Variants in BAIAP2 observed in about 807,000 individuals in gnomAD.
BAIAP2 encodes the protein BAR/IMD domain containing adaptor protein 2, also known as BAR/IMD domain-containing adapter protein 2.
Under a neutral mutation model 63.0 loss-of-function variants are expected in BAIAP2, and 18 were observed. The ratio of observed to expected loss-of-function variants is 0.29; its 90% CI spans 0.20 to 0.42. The LOEUF (loss-of-function observed/expected upper bound fraction) is 0.42, where lower values mean the gene tolerates loss of function less well. Ranked by LOEUF, BAIAP2 falls within the 10% of genes least tolerant of loss-of-function variation. The pLI, the probability that BAIAP2 is intolerant of heterozygous loss-of-function variation, is 1.00. For missense variants in BAIAP2, 610 were observed against 734.3 expected (o/e 0.83, Z 1.96); for synonymous variants, 386 against 307.6 (o/e 1.25, Z -2.67).
Position 81,116,404 on chromosome 17 carries a change from C to G in BAIAP2, c.*565C>G, listed in dbSNP as rs371562717. On this transcript the variant is annotated 3_prime_UTR_variant, in exon 14 of 14. Coordinates refer to ENST00000428708, the MANE Select transcript of BAIAP2 (RefSeq NM_001144888.2). Reference sequence around the variant, plus strand: ...GCCCCTCGGTGGGGCTCTCCTGGGCCCCTCACTCCCACTGGCAATGTCACA... The same window carrying G: ...GCCCCTCGGTGGGGCTCTCCTGGGCGCCTCACTCCCACTGGCAATGTCACA... The G allele has an allele frequency of 3.4e-6, 5 of 1,471,120 alleles. No homozygotes were observed. The highest frequency in any genetic ancestry group is 4.6e-6 in the Non-Finnish European group (5 of 1,082,338). 91.1% of individuals were successfully genotyped at this position (1,471,120 alleles called of 1,614,324 possible).
intron 3 of BAIAP2, among the ~76,000 whole-genome samples, chr17:81,075,473 T>TGGGCTCCCTTCCG (rs2053505565): frequency 6.6e-6 from 1 of 150,890 alleles, no homozygotes; most frequent in African/African-American, 2.5e-5. Context: ...GCTCCCTTCC[T>TGGGCTCCCTTCCG]GTGGGCCGCT....
chr17:81,099,637 C>A (rs975302081), intron 6 of BAIAP2, among the ~76,000 whole-genome samples: 1 of 152,126 alleles, frequency 6.6e-6, no homozygotes, highest in African/African-American at 2.4e-5. Flanking sequence ...GAGGCTGGCC[C>A]CCTGCCAGAG....
intron 1 of BAIAP2, 34 bp downstream of exon 1, chr17:81,035,342 C>T (rs764183681): frequency 3.0e-5 from 39 of 1,282,552 alleles, no homozygotes; most frequent in Admixed American, 1.1e-4. Flanking sequence ...TGAGCCCGCT[C>T]CGTGTGCGCC....
chr17:81,088,210 G>C (rs933957858), intron 6 of BAIAP2, among the ~76,000 whole-genome samples: 1 of 152,064 alleles, frequency 6.6e-6, no homozygotes, highest in African/African-American at 2.4e-5. Flanking sequence ...CCTGAGCACC[G>C]AGGCCAGGTG....
chr17:81,055,500 C>T (rs962126439), intron 2 of BAIAP2, among the ~76,000 whole-genome samples: 3 of 151,842 alleles, frequency 2.0e-5, no homozygotes, highest in Admixed American at 6.6e-5. Context: ...CCCGGGGTTG[C>T]ACCCGAGGGA....
intron 12 of BAIAP2, 114 bp from the exon 13 acceptor site, chr17:81,108,361 A>G: frequency 8.3e-7 from 1 of 1,204,918 alleles, no homozygotes; most frequent in Non-Finnish European, 1.2e-6. Flanking sequence ...CCAAAGGAAC[A>G]CGGTTTGAAC....
chr17:81,110,916 C>A, intron 13 of BAIAP2: 6 of 1,613,902 alleles, frequency 3.7e-6, no homozygotes, highest in Non-Finnish European at 5.1e-6. Flanking sequence ...CCTTGCAGCG[C>A]CGATGTGGAA....
chr17:81,088,275 G>A (rs892950452), intron 6 of BAIAP2, among the ~76,000 whole-genome samples: 3 of 151,986 alleles, frequency 2.0e-5, no homozygotes, highest in Non-Finnish European at 4.4e-5. Flanking sequence ...TTGGTGTTCT[G>A]GGGATGGGGA....
intron 3 of BAIAP2, among the ~76,000 whole-genome samples, chr17:81,065,004 G>A (rs931842817): frequency 3.9e-5 from 6 of 152,314 alleles, no homozygotes; most frequent in Admixed American, 6.5e-5. Flanking sequence ...CCCCGCCATG[G>A]TGTTTCTCCC....
chr17:81,073,863 C>T (rs990828772), intron 3 of BAIAP2, among the ~76,000 whole-genome samples: 2 of 152,218 alleles, frequency 1.3e-5, no homozygotes, highest in African/African-American at 4.8e-5. Context: ...GGGTGAGAGT[C>T]CTCTGGGAGC....
intron 1 of BAIAP2, among the ~76,000 whole-genome samples, chr17:81,043,774 G>A (rs2047414075): frequency 6.6e-6 from 1 of 152,216 alleles, no homozygotes; most frequent in African/African-American, 2.4e-5. Context: ...GTAAGCTGGA[G>A]TGGCTGAGCT....
intron 6 of BAIAP2, among the ~76,000 whole-genome samples, chr17:81,088,860 GGC>G (rs1321219681): frequency 6.6e-6 from 1 of 152,224 alleles, no homozygotes; most frequent in East Asian, 1.9e-4. Flanking sequence ...GGTAGCATAG[GGC>G]CGGACAAAGG....
At chr17:81,110,414 T>C in intron 13 of BAIAP2, 8 of 990,654 alleles carry the variant, frequency 8.1e-6, no homozygotes, top group Non-Finnish European at 9.6e-6. Context: ...TGTAAAGTGC[T>C]GAACATATTT....
In BAIAP2 at chr17:81,046,679, G is replaced by A. The variant is rs916912117; in HGVS notation, c.55-6989G>A. ...GCCCCCGGACAGCAAGCTCTGAGGTGTCCTCCCGCGAGGACACTGTCCACT... is the reference window on the plus strand; with the variant it reads ...GCCCCCGGACAGCAAGCTCTGAGGTATCCTCCCGCGAGGACACTGTCCACT... On this transcript the variant is annotated intron_variant, in intron 1 of 13. Coordinates refer to ENST00000428708, the MANE Select transcript of BAIAP2 (RefSeq NM_001144888.2). The surrounding 1 kb of genome is among the most constrained non-coding windows in gnomAD (Gnocchi z 4.5). Among the ~76,000 whole-genome samples the A allele has an allele frequency of 6.6e-6, 1 of 152,170 alleles. No homozygotes were observed. The highest frequency in any genetic ancestry group is 2.4e-5 in the African/African-American group (1 of 41,430).
rs769497395 is a variant in BAIAP2, at chr17:81,110,985, G to C, written c.1535+2476G>C. On this transcript the variant is annotated intron_variant, in intron 13 of 13. Coordinates refer to ENST00000428708, the MANE Select transcript of BAIAP2 (RefSeq NM_001144888.2). ...GTAAGTTGCCTGGCGTTCTCGTGCAGTCACTGGCCTCTCCAGTGGTTCTCC... is the reference window on the plus strand; with the variant it reads ...GTAAGTTGCCTGGCGTTCTCGTGCACTCACTGGCCTCTCCAGTGGTTCTCC... 6 of 1,613,504 alleles carry C rather than the reference G, an allele frequency of 3.7e-6. No homozygotes were observed. The South Asian group carries it at 5.5e-5, about 15-fold the overall frequency.
intron 7 of BAIAP2, 31 bp from the exon 8 acceptor site, chr17:81,103,471 G>C: frequency 1.3e-6 from 2 of 1,536,872 alleles, no homozygotes; most frequent in Non-Finnish European, 1.7e-6. Flanking sequence ...AGCCGGCCCT[G>C]ACCCCTCCCT....
At chr17:81,047,880 A>G (rs544153389) in intron 1 of BAIAP2, among the ~76,000 whole-genome samples, 80 of 152,376 alleles carry the variant, frequency 5.3e-4, no homozygotes, top group African/African-American at 1.7e-3. Flanking sequence ...TGGCCGCAGC[A>G]CACACACGGA....
chr17:81,038,560 T>A (rs1261502100), intron 1 of BAIAP2, among the ~76,000 whole-genome samples: 6 of 152,178 alleles, frequency 3.9e-5, no homozygotes, highest in Admixed American at 6.5e-5. Flanking sequence ...TAGCAGCTGG[T>A]GGGGAAGCCA....
intron 1 of BAIAP2, among the ~76,000 whole-genome samples, chr17:81,039,753 G>T (rs745748584): frequency 9.2e-5 from 14 of 152,118 alleles, no homozygotes; most frequent in Non-Finnish European, 1.6e-4. Context: ...GGAGACCTGA[G>T]GGCCAAGACC....
Sources: gnomAD v4.1 joint callset for allele counts (sites outside exome capture counted in the v4.1 genomes callset) on GRCh38, gnomAD v4.1.1 for gene constraint, Gnocchi (gnomAD v3.1) non-coding constraint, MANE v1.5 for transcripts, NCBI Gene and HGNC (gene_info 2026-07-23, HGNC 2026-07-21) for gene names.